The following SLC45A3 variants were observed in gnomAD, a reference collection of about 807,000 sequenced individuals.
The protein encoded by SLC45A3 is prostate cancer associated protein 2.
SLC45A3 carries 17 observed loss-of-function variants against 35.3 expected under a neutral mutation model. The ratio of observed to expected loss-of-function variants is 0.48; its 90% CI spans 0.33 to 0.72. SLC45A3 has a LOEUF of 0.72. SLC45A3 is among the 30% of genes least tolerant of loss of function. SLC45A3 has a pLI of 0.02. For missense variants in SLC45A3, 597 were observed against 731.7 expected (o/e 0.82, Z 2.12); for synonymous variants, 288 against 334.3 (o/e 0.86, Z 1.51).
chr1:205,670,125 C>G (rs575200960), intron 1 of SLC45A3, among the ~76,000 whole-genome samples: 2 of 152,318 alleles, frequency 1.3e-5, no homozygotes, highest in Non-Finnish European at 2.9e-5. Context: ...CTCACGGCAG[C>G]TCCACGGGAG....
In SLC45A3 at chr1:205,664,410, G is replaced by C; in HGVS notation, c.172+75C>G. 1 of 1,571,288 alleles carries C rather than the reference G, an allele frequency of 6.4e-7. No individual in the cohort carries two copies. Among genetic ancestry groups the C allele is most frequent in the Non-Finnish European group, 8.7e-7 (1 of 1,152,658 alleles). ...ACCTCTCCCTCCAAGCAGCTCCCAG[G>C]GCAGAGGTACTCCTGTCCCACATGC... On this transcript the variant is annotated intron_variant, in intron 2 of 4. Coordinates refer to ENST00000367145, the MANE Select transcript of SLC45A3 (RefSeq NM_033102.3). The surrounding 1 kb of genome is among the most constrained non-coding windows in gnomAD (Gnocchi z 5.3).
At position 205,658,112 on chromosome 1, in the gene SLC45A3, C is replaced by G. The variant is rs1335531458; in HGVS notation, c.*1122G>C. 8.8e-6 allele frequency: 2 copies of G among 226,694 alleles called. No individual in the cohort carries two copies. The allele number at this position is 226,694 out of a possible 1,614,324, so 14.0% of individuals were successfully genotyped here. A position where few individuals can be genotyped will look rare whatever the true frequency, so the allele number is the denominator to read the frequency against. ...GGAAACCGCACTTTGTGCTTCTGGTCCTGCAGTAGCTCCAAACAGGGTTGT... is the reference window on the plus strand; with the variant it reads ...GGAAACCGCACTTTGTGCTTCTGGTGCTGCAGTAGCTCCAAACAGGGTTGT... On this transcript the variant is annotated 3_prime_UTR_variant, in exon 5 of 5. Coordinates refer to ENST00000367145, the MANE Select transcript of SLC45A3 (RefSeq NM_033102.3).
intron 4 of SLC45A3, 91 bp downstream of exon 4, chr1:205,661,770 G>A (rs1671028168): frequency 6.6e-7 from 1 of 1,514,116 alleles, no homozygotes. Context: ...CTCCAAAGTT[G>A]CTTGCCAGAT....
In SLC45A3 at chr1:205,662,706, T is replaced by C. The variant is rs1671049121; in HGVS notation, c.958+127A>G. ...TGAGAAGCCGTGTATGCAGATGGGGTCCATCCCCACTTTCCTGACAGAGAA... is the reference window on the plus strand; with the variant it reads ...TGAGAAGCCGTGTATGCAGATGGGGCCCATCCCCACTTTCCTGACAGAGAA... On this transcript the variant is annotated intron_variant, in intron 3 of 4. Transcript: ENST00000367145. This position sits in a 1 kb window ranked among gnomAD's most constrained non-coding sequence, Gnocchi z 6.2. 2 of 1,462,786 alleles carry C rather than the reference T, an allele frequency of 1.4e-6. No homozygotes were observed. The highest frequency in any genetic ancestry group is 2.5e-5 in the Admixed American group (1 of 39,694). The allele number at this position is 1,462,786 out of a possible 1,614,324, so 90.6% of individuals were successfully genotyped here.
At chr1:205,676,143 G>C (rs1028619675) in intron 1 of SLC45A3, among the ~76,000 whole-genome samples, 4 of 152,216 alleles carry the variant, frequency 2.6e-5, no homozygotes, top group African/African-American at 9.6e-5. Flanking sequence ...GGAGCCAGGA[G>C]TGGGAATCTA....
intron 1 of SLC45A3, among the ~76,000 whole-genome samples, chr1:205,670,486 C>T (rs566880711): frequency 6.6e-6 from 1 of 152,316 alleles, no homozygotes; most frequent in East Asian, 1.9e-4. Flanking sequence ...ATGAAGCCCC[C>T]CCACCTCAGG....
rs770220291 is a variant in SLC45A3, at chr1:205,663,433, G to GATGAGCA, written c.357_358insTGCTCAT (p.Leu120CysfsTer32). On this transcript the variant is annotated frameshift_variant, in exon 3 of 5. Coordinates refer to ENST00000367145, the MANE Select transcript of SLC45A3 (RefSeq NM_033102.3). LOFTEE classifies it high-confidence loss of function. ...CCCAGGATGAGCAGTGCCAGCTCCA[G>GATGAGCA]GGGCCTGGGATCCGGGCACAGCAGC... The GATGAGCA allele has an allele frequency of 4.3e-6, 7 of 1,612,736 alleles. No individual in the cohort carries two copies. The highest frequency in any genetic ancestry group is 1.3e-5 in the African/African-American group (1 of 74,926).
chr1:205,680,165 G>C (rs1183101020), intron 1 of SLC45A3, among the ~76,000 whole-genome samples: 1 of 151,632 alleles, frequency 6.6e-6, no homozygotes, highest in Non-Finnish European at 1.5e-5. Flanking sequence ...AGCTCAGCGG[G>C]GACCCGTGCA....
chr1:205,661,828 C>G, intron 4 of SLC45A3, 33 bp downstream of exon 4: 1 of 1,591,540 alleles, frequency 6.3e-7, no homozygotes, highest in Non-Finnish European at 8.6e-7. Context: ...ACCACCCCTC[C>G]CACCCTGACT....
rs1316396821 is a variant in SLC45A3 at position 205,670,926 on chromosome 1, C to CT, written c.-230-6041_-230-6040insA. 1.3e-5 allele frequency among the ~76,000 whole-genome samples: 2 copies of CT among 152,188 alleles called. 1 individual carries two copies. The highest frequency in any genetic ancestry group is 1.3e-4 in the Admixed American group (2 of 15,286). On this transcript the variant is annotated intron_variant, in intron 1 of 4. Coordinates refer to ENST00000367145, the MANE Select transcript of SLC45A3 (RefSeq NM_033102.3). ...CTGGGAAAAGGGCAATGGCTCCCTC[C>CT]CCCCACTCACCCCCAATGTGTGAAA...
intron 1 of SLC45A3, among the ~76,000 whole-genome samples, chr1:205,676,294 G>T (rs1397433516): frequency 6.6e-6 from 1 of 152,150 alleles, no homozygotes; most frequent in Non-Finnish European, 1.5e-5. Context: ...TGCTGTTGTG[G>T]GCTGGCTGCT....
chr1:205,663,678 G>A, intron 2 of SLC45A3, 60 bp from the exon 3 acceptor site: 1 of 1,470,444 alleles, frequency 6.8e-7, no homozygotes, highest in Non-Finnish European at 9.1e-7. Context: ...AAGGGGAAGG[G>A]GAACCAAGCT....
chr1:205,659,232 T>G lies in SLC45A3; in HGVS notation c.*2A>C. On this transcript the variant is annotated 3_prime_UTR_variant, in exon 5 of 5. Coordinates refer to ENST00000367145, the MANE Select transcript of SLC45A3 (RefSeq NM_033102.3). The surrounding 1 kb of genome is among the most constrained non-coding windows in gnomAD (Gnocchi z 5.8). ...CCTCCACCCCAATGTGCTGGAAGTT[T>G]TCTACGCTGAGTATTTGGCCAAGTC... 1 of 1,603,520 alleles carries G rather than the reference T, an allele frequency of 6.2e-7. No homozygotes were observed. Among genetic ancestry groups the G allele is most frequent in the Non-Finnish European group, 8.5e-7 (1 of 1,173,908 alleles).
chr1:205,679,149 C>T (rs1178976852), intron 1 of SLC45A3, among the ~76,000 whole-genome samples: 2 of 152,156 alleles, frequency 1.3e-5, no homozygotes, highest in Non-Finnish European at 2.9e-5. Context: ...TGGCAATGCC[C>T]GGCTGCAGAC....
chr1:205,672,733 G>A (rs1402915839), intron 1 of SLC45A3, among the ~76,000 whole-genome samples: 2 of 152,162 alleles, frequency 1.3e-5, no homozygotes, highest in East Asian at 3.9e-4. Flanking sequence ...TTTAAGAGCT[G>A]TGTAGCCTAG....
At chr1:205,668,546 A>G (rs747145883) in intron 1 of SLC45A3, among the ~76,000 whole-genome samples, 10 of 152,116 alleles carry the variant, frequency 6.6e-5, no homozygotes, top group Non-Finnish European at 1.0e-4. Flanking sequence ...TCCTGGGGAC[A>G]GGGTCCAATT....
chr1:205,675,271 T>A (rs1671292394), intron 1 of SLC45A3, among the ~76,000 whole-genome samples: 1 of 152,200 alleles, frequency 6.6e-6, no homozygotes, highest in African/African-American at 2.4e-5. Context: ...AGTTCTTACC[T>A]AGAAAGCCAG....
At chr1:205,673,033 G>C (rs532802652) in intron 1 of SLC45A3, among the ~76,000 whole-genome samples, 67 of 152,186 alleles carry the variant, frequency 4.4e-4, no homozygotes, top group African/African-American at 1.6e-3. Flanking sequence ...GAATGAGGTG[G>C]AGAAGGACAC....
Position 205,662,267 on chromosome 1 carries a change from T to A in SLC45A3, c.959-141A>T. On this transcript the variant is annotated intron_variant, in intron 3 of 4. Coordinates refer to ENST00000367145, the MANE Select transcript of SLC45A3 (RefSeq NM_033102.3). This position sits in a 1 kb window ranked among gnomAD's most constrained non-coding sequence, Gnocchi z 6.2. Reference sequence around the variant, plus strand: ...GCCCTGCTCCCCAGCACCCTTCCCCTTTCTACCTCTAGCAATGGGAGTCTA... The same window carrying A: ...GCCCTGCTCCCCAGCACCCTTCCCCATTCTACCTCTAGCAATGGGAGTCTA... 2.1e-6 allele frequency: 3 copies of A among 1,435,378 alleles called. No individual in the cohort carries two copies. Among genetic ancestry groups the A allele is most frequent in the Non-Finnish European group, 2.7e-6 (3 of 1,097,494 alleles). The allele number at this position is 1,435,378 out of a possible 1,614,324, so 88.9% of individuals were successfully genotyped here. A position where few individuals can be genotyped will look rare whatever the true frequency, so the allele number is the denominator to read the frequency against.
Sources: gnomAD v4.1 joint callset for allele counts (sites outside exome capture counted in the v4.1 genomes callset) on GRCh38, gnomAD v4.1.1 for gene constraint, Gnocchi (gnomAD v3.1) non-coding constraint, MANE v1.5 for transcripts, NCBI Gene and HGNC (gene_info 2026-07-23, HGNC 2026-07-21) for gene names.